The following ALG6 variants were observed in gnomAD, a reference collection of about 807,000 sequenced individuals.
ALG6 encodes ALG6 alpha-1,3-glucosyltransferase, also known as dolichyl pyrophosphate Man9GlcNAc2 alpha-1,3-glucosyltransferase.
Under a neutral mutation model 66.6 loss-of-function variants are expected in ALG6, and 46 were observed. The observed-to-expected ratio is 0.69, with a 90% CI of 0.55 to 0.88. The LOEUF is 0.88. ALG6 is among the 40% of genes least tolerant of loss of function. The pLI is 0.00. For missense variants in ALG6, 505 were observed against 586.8 expected, an observed-to-expected ratio of 0.86 and a Z score of 1.44; for synonymous variants, 185 against 203.7, an observed-to-expected ratio of 0.91 and a Z score of 0.78.
intron 4 of ALG6, among the ~76,000 whole-genome samples, chr1:63,403,642 A>T (rs1443545661): frequency 6.6e-6 from 1 of 151,978 alleles, no homozygotes; most frequent in Non-Finnish European, 1.5e-5. Flanking sequence ...CATTATGCAA[A>T]CATCATAGAG....
At chr1:63,396,973 A>C (rs1405472091) in intron 3 of ALG6, among the ~76,000 whole-genome samples, 1 of 152,152 alleles carries the variant, frequency 6.6e-6, no homozygotes, top group Non-Finnish European at 1.5e-5. Flanking sequence ...ATAAAAATAA[A>C]AGAGAGCTTT....
At chr1:63,402,460 A>ATTTTTTT (rs760751565) in intron 4 of ALG6, 117 bp downstream of exon 4, 30 of 262,776 alleles carry the variant, frequency 1.1e-4, no homozygotes, top group African/African-American at 4.9e-4. Context: ...CTGCTATTGT[A>ATTTTTTT]TTTTTTTTTT....
intron 2 of ALG6, among the ~76,000 whole-genome samples, chr1:63,377,747 T>G (rs1392774272): frequency 6.6e-6 from 1 of 152,154 alleles, no homozygotes; most frequent in Non-Finnish European, 1.5e-5. Flanking sequence ...ATTTATTTAT[T>G]TTTAGAGATG....
At chr1:63,383,288 A>T (rs1557581690) in intron 2 of ALG6, among the ~76,000 whole-genome samples, 1 of 147,882 alleles carries the variant, frequency 6.8e-6, no homozygotes, top group African/African-American at 2.5e-5. Flanking sequence ...TGCCTAGCTA[A>T]TTTTTTTTGT....
chr1:63,374,628 C>CAAAA, intron 2 of ALG6, among the ~76,000 whole-genome samples: 1 of 145,734 alleles, frequency 6.9e-6, no homozygotes, highest in Non-Finnish European at 1.5e-5. Context: ...ACTCTGTCTC[C>CAAAA]AAAAAAAAAA....
At chr1:63,408,076 G>A (rs1447826728) in intron 7 of ALG6, among the ~76,000 whole-genome samples, 3 of 152,116 alleles carry the variant, frequency 2.0e-5, no homozygotes, top group Non-Finnish European at 4.4e-5. Flanking sequence ...AAATATAAAT[G>A]TACAGCTCAG....
Position 63,413,996 on chromosome 1 carries a change from A to T in ALG6, c.817-65A>T, listed in dbSNP as rs1212204346. 3.6e-5 allele frequency: 45 copies of T among 1,234,536 alleles called. 1 individual carries two copies. In the Admixed American group the frequency reaches 7.7e-4, roughly 21 times the overall value. 76.5% of individuals were successfully genotyped at this position (1,234,536 alleles called of 1,614,324 possible). On this transcript the variant is annotated intron_variant, in intron 9 of 14. Coordinates refer to ENST00000263440, the MANE Select transcript of ALG6 (RefSeq NM_013339.4). ...AAGTTTATTAGAGATTATGGGCTGT[A>T]CTTCATGGGTTTTAATATTTCTTTC... is the stretch of plus-strand genomic sequence containing the variant.
At chr1:63,399,144 T>C (rs1387423544) in intron 3 of ALG6, among the ~76,000 whole-genome samples, 1 of 152,176 alleles carries the variant, frequency 6.6e-6, no homozygotes, top group Non-Finnish European at 1.5e-5. Context: ...CAGTTTCTTG[T>C]TGGGAGCCAC....
At chr1:63,406,650 T>C (rs1051557578) in intron 6 of ALG6, among the ~76,000 whole-genome samples, 2 of 152,130 alleles carry the variant, frequency 1.3e-5, no homozygotes, top group Non-Finnish European at 2.9e-5. Flanking sequence ...AATTTGTTAC[T>C]TTACTGGTAA....
intron 2 of ALG6, among the ~76,000 whole-genome samples, chr1:63,389,177 T>G (rs1485399293): frequency 1.3e-5 from 2 of 152,170 alleles, no homozygotes; most frequent in African/African-American, 4.8e-5. Context: ...GATCTCTCTC[T>G]CTCTCTCTAT....
intron 12 of ALG6, 32 bp from the exon 13 acceptor site, chr1:63,428,701 A>T: frequency 7.2e-7 from 1 of 1,391,300 alleles, no homozygotes; most frequent in Non-Finnish European, 1.0e-6. Flanking sequence ...ATATTCTGTA[A>T]TATTAAAATA....
chr1:63,421,786 C>T (rs1644574921), intron 12 of ALG6, among the ~76,000 whole-genome samples: 1 of 151,556 alleles, frequency 6.6e-6, no homozygotes, highest in African/African-American at 2.4e-5. Context: ...GAAAACCAAA[C>T]ACCACGTGTT....
At chr1:63,397,065 T>C (rs1351908995) in intron 3 of ALG6, among the ~76,000 whole-genome samples, 1 of 152,022 alleles carries the variant, frequency 6.6e-6, no homozygotes, top group Non-Finnish European at 1.5e-5. Context: ...TGTTTTCAAC[T>C]CTGGAAATTT....
At chr1:63,419,340 T>C in intron 11 of ALG6, 30 bp from the exon 12 acceptor site, 2 of 1,527,752 alleles carry the variant, frequency 1.3e-6, no homozygotes, top group Non-Finnish European at 1.8e-6. Context: ...CAAGTTGTTA[T>C]ATCTCATTTC....
chr1:63,415,767 A>G (rs1644543121), intron 10 of ALG6, 106 bp from the exon 11 acceptor site: 1 of 662,102 alleles, frequency 1.5e-6, no homozygotes, highest in African/African-American at 1.9e-5. Flanking sequence ...AATAAACTTA[A>G]GTTGATAAAT....
At chr1:63,370,590 T>G (rs1307132607) in intron 1 of ALG6, among the ~76,000 whole-genome samples, 181 bp from the exon 2 acceptor site, 1 of 152,180 alleles carries the variant, frequency 6.6e-6, no homozygotes, top group East Asian at 1.9e-4. Flanking sequence ...GAGATCCACC[T>G]TTTGATGTAT....
At chr1:63,381,932 A>G (rs1458884920) in intron 2 of ALG6, among the ~76,000 whole-genome samples, 1 of 152,122 alleles carries the variant, frequency 6.6e-6, no homozygotes, top group African/African-American at 2.4e-5. Flanking sequence ...GACTATTTAC[A>G]GGATGTGATC....
At chr1:63,414,808 G>T (rs1354277343) in intron 10 of ALG6, among the ~76,000 whole-genome samples, 1 of 152,104 alleles carries the variant, frequency 6.6e-6, no homozygotes, top group Non-Finnish European at 1.5e-5. Flanking sequence ...CAAGGAATTG[G>T]CTTATACAGT....
chr1:63,414,881 G>T (rs76694292), intron 10 of ALG6, among the ~76,000 whole-genome samples: 2 of 152,136 alleles, frequency 1.3e-5, no homozygotes, highest in Non-Finnish European at 2.9e-5. Context: ...AATATCTAGG[G>T]GGGAAGGAAG....
Sources: allele counts gnomAD v4.1 joint callset (sites outside exome capture counted in the v4.1 genomes callset), GRCh38; gene constraint gnomAD v4.1.1; transcripts MANE v1.5; gene names NCBI Gene and HGNC (gene_info 2026-07-23, HGNC 2026-07-21).